AP1S1: variants seen among roughly 807,000 people sequenced by gnomAD.
AP1S1 encodes adaptor related protein complex 1 subunit sigma 1.
A neutral mutation model predicts 23.9 loss-of-function variants in AP1S1; 13 were observed. The observed-to-expected ratio is 0.54, with a 90% CI of 0.35 to 0.86. The LOEUF (loss-of-function observed/expected upper bound fraction) is 0.86. Among genes scored for constraint, AP1S1 ranks in the 40% least tolerant of loss-of-function variants. The probability of loss-of-function intolerance (pLI) is 0.01; values close to 1 mark genes in which losing one functional copy is unlikely to be tolerated. For missense variants in AP1S1, 119 were observed against 197.6 expected (o/e 0.60, Z 2.38); for synonymous variants, 84 against 77.7 (o/e 1.08, Z -0.43).
intron 2 of AP1S1, 23 bp from the exon 3 acceptor site, chr7:101,157,354 G>C: frequency 3.9e-6 from 6 of 1,532,082 alleles, no homozygotes; most frequent in Non-Finnish European, 5.3e-6. Flanking sequence ...TTGTAGCGAT[G>C]TCTCATGCGC....
Position 101,154,482 on chromosome 7 carries a change from C to A in AP1S1, c.-33C>A. 1 of 1,568,884 alleles carries A rather than the reference C, an allele frequency of 6.4e-7. No individual in the cohort carries two copies. Among genetic ancestry groups the A allele is most frequent in the Non-Finnish European group, 8.6e-7 (1 of 1,158,132 alleles). On this transcript the variant is annotated 5_prime_UTR_variant, in exon 1 of 5. Transcript: ENST00000337619. ...GAGTGGGACTGGCGCCTACGGTGGC[C>A]GAAGTGGGACGCGCCGAGCCGGAGG...
intron 1 of AP1S1, among the ~76,000 whole-genome samples, chr7:101,155,503 C>T (rs145560836): frequency 4.8e-4 from 73 of 152,272 alleles, no homozygotes; most frequent in African/African-American, 1.7e-3. Flanking sequence ...GGAAATTGGT[C>T]ACCTGGTGTC....
chr7:101,157,984 C>G (rs970546521), intron 3 of AP1S1, among the ~76,000 whole-genome samples: 5 of 151,920 alleles, frequency 3.3e-5, no homozygotes, highest in African/African-American at 1.2e-4. Flanking sequence ...GAGATGAGGT[C>G]TTGCTATGTT....
intron 3 of AP1S1, 133 bp downstream of exon 3, chr7:101,157,618 T>C: frequency 1.4e-6 from 1 of 704,538 alleles, no homozygotes; most frequent in Non-Finnish European, 2.5e-6. Flanking sequence ...AGAACAGTAA[T>C]TAATTTCCCT....
chr7:101,157,282 C>A, intron 2 of AP1S1, 95 bp from the exon 3 acceptor site: 3 of 1,025,770 alleles, frequency 2.9e-6, no homozygotes, highest in Admixed American at 2.1e-5. Flanking sequence ...CCAGCCAGGG[C>A]ACAGACCACC....
intron 1 of AP1S1, among the ~76,000 whole-genome samples, chr7:101,155,364 C>A (rs1413255925): frequency 6.6e-6 from 1 of 152,188 alleles, no homozygotes; most frequent in African/African-American, 2.4e-5. Context: ...CCCAGACCCC[C>A]CGGAACTGGG....
chr7:101,159,343 C>G (rs1193838190), intron 4 of AP1S1, 147 bp downstream of exon 4: 6 of 1,209,160 alleles, frequency 5.0e-6, no homozygotes, highest in South Asian at 1.5e-5. Flanking sequence ...GCCCAGCTCT[C>G]CAGCTTACTC....
chr7:101,155,498 T>C (rs968883468), intron 1 of AP1S1, among the ~76,000 whole-genome samples: 1 of 152,058 alleles, frequency 6.6e-6, no homozygotes, highest in East Asian at 1.9e-4. Context: ...CTGAGGGAAA[T>C]TGGTCACCTG....
chr7:101,160,813 G>T lies in AP1S1; in HGVS notation c.*247G>T, dbSNP rs1018565961. 2.9e-6 allele frequency: 2 copies of T among 685,836 alleles called. No homozygotes were observed. The highest frequency in any genetic ancestry group is 3.0e-5 in the South Asian group (2 of 66,644). 42.5% of individuals were successfully genotyped at this position (685,836 alleles called of 1,614,324 possible). A position where few individuals can be genotyped will look rare whatever the true frequency, so the allele number is the denominator to read the frequency against. ...GCAGGAAAATGTGACCCAGATGGGG[G>T]TGCTATTTGGCTTTTATTCCCTGCC... On this transcript the variant is annotated 3_prime_UTR_variant, in exon 5 of 5. Transcript: ENST00000337619.
At chr7:101,156,859 G>A in intron 2 of AP1S1, 87 bp downstream of exon 2, 1 of 1,205,822 alleles carries the variant, frequency 8.3e-7, no homozygotes, top group Non-Finnish European at 1.1e-6. Context: ...CTGTAGGTCA[G>A]GGAGACCTGG....
At chr7:101,154,875 C>A in intron 1 of AP1S1, 4 of 883,740 alleles carry the variant, frequency 4.5e-6, no homozygotes, top group Non-Finnish European at 5.9e-6. Context: ...AGGGAGGGAG[C>A]GGGGGTCACC....
intron 2 of AP1S1, among the ~76,000 whole-genome samples, chr7:101,157,095 C>G (rs1797004513): frequency 6.6e-6 from 1 of 152,188 alleles, no homozygotes; most frequent in African/African-American, 2.4e-5. Flanking sequence ...CACACACACC[C>G]TTTCCGGTTC....
At chr7:101,156,518 A>G (rs1468335147) in intron 1 of AP1S1, 76 bp from the exon 2 acceptor site, 2 of 1,493,178 alleles carry the variant, frequency 1.3e-6, no homozygotes, top group Admixed American at 4.0e-5. Flanking sequence ...GTTGGAAGAA[A>G]GTAGAGAAGA....
In AP1S1 at chr7:101,161,092, T is replaced by A. The variant is rs1174042903; in HGVS notation, c.*526T>A. 3.4e-6 allele frequency: 1 copy of A among 293,198 alleles called. No homozygotes were observed. Among genetic ancestry groups the A allele is most frequent in the Non-Finnish European group, 6.6e-6 (1 of 150,948 alleles). 18.2% of individuals were successfully genotyped at this position (293,198 alleles called of 1,614,324 possible). ...AGGAACAACATAGTTAATTTTTTTC[T>A]AACCTTGCCACTTTGAGGGAAGGAA... On this transcript the variant is annotated 3_prime_UTR_variant, in exon 5 of 5. Coordinates refer to ENST00000337619, the MANE Select transcript of AP1S1 (RefSeq NM_001283.5).
chr7:101,154,761 C>A, intron 1 of AP1S1: 1 of 687,084 alleles, frequency 1.5e-6, no homozygotes, highest in Non-Finnish European at 2.2e-6. Flanking sequence ...GCGGCGGGGC[C>A]GTCCCGAGCC....
chr7:101,158,963 T>C, intron 3 of AP1S1, 96 bp from the exon 4 acceptor site: 2 of 1,485,634 alleles, frequency 1.3e-6, no homozygotes, highest in South Asian at 1.3e-5. Flanking sequence ...GGCTTGGAGG[T>C]TGGGGGCAGA....
chr7:101,159,865 G>T (rs1797059559), intron 4 of AP1S1, among the ~76,000 whole-genome samples: 1 of 151,844 alleles, frequency 6.6e-6, no homozygotes, highest in African/African-American at 2.4e-5. Context: ...TCTGAGGAGG[G>T]GGAGAGATGG....
intron 3 of AP1S1, among the ~76,000 whole-genome samples, chr7:101,158,633 G>A (rs939429514): frequency 4.6e-5 from 7 of 152,236 alleles, no homozygotes; most frequent in African/African-American, 1.7e-4. Context: ...AAGGCGCGGT[G>A]GCTCACGCCT....
At chr7:101,158,329 A>G (rs560301527) in intron 3 of AP1S1, among the ~76,000 whole-genome samples, 1 of 152,220 alleles carries the variant, frequency 6.6e-6, no homozygotes, top group African/African-American at 2.4e-5. Flanking sequence ...TGGTATCCCC[A>G]TTTTTGAGGC....
Sources: allele counts gnomAD v4.1 joint callset (sites outside exome capture counted in the v4.1 genomes callset), GRCh38; gene constraint gnomAD v4.1.1; transcripts MANE v1.5; gene names NCBI Gene and HGNC (gene_info 2026-07-23, HGNC 2026-07-21).